TMEM185B: variants seen among roughly 807,000 people sequenced by gnomAD.
TMEM185B encodes transmembrane protein 185B.
In TMEM185B, 9 loss-of-function variants were observed where a neutral mutation model predicts 26.2. The ratio of observed to expected loss-of-function variants is 0.34; its 90% CI spans 0.21 to 0.60. TMEM185B has a LOEUF of 0.60. Ranked by LOEUF, TMEM185B falls within the 20% of genes least tolerant of loss-of-function variation. TMEM185B has a pLI of 0.80. For missense variants in TMEM185B, 392 were observed against 447.9 expected, an observed-to-expected ratio of 0.88 and a Z score of 1.13; for synonymous variants, 204 against 191.8, an observed-to-expected ratio of 1.06 and a Z score of -0.52.
At position 120,222,876 on chromosome 2, in the gene TMEM185B, C is replaced by T. The variant is rs777688251; in HGVS notation, c.101G>A (p.Gly34Asp). ...FSVLLPLRLDGIIQWSYWAVF... is the reference protein window; with the variant it reads ...FSVLLPLRLDDIIQWSYWAVF... ...GGCCCAGTAGCTCCATTGGATGATG[C>T]CGTCCAGGCGGAGGGGCAGCAGCAC... is the stretch of plus-strand genomic sequence containing the variant. Residue 34 changes from glycine (G) to aspartate (D), a missense_variant, in exon 1 of 1, where the codon GGC (glycine) becomes GAC (aspartate). Gly to Asp is a moderately conservative substitution (Grantham distance 94). Around this residue, in one of 3 missense-constraint regions of TMEM185B, gnomAD observed 175 missense variants for 169.1 expected, o/e 1.03. Transcript: ENST00000426077. 3.4e-6 allele frequency: 5 copies of T among 1,470,068 alleles called. No homozygotes were observed. Among genetic ancestry groups the T allele is most frequent in the South Asian group, 1.4e-5 (1 of 72,346 alleles). 91.1% of individuals were successfully genotyped at this position (1,470,068 alleles called of 1,614,324 possible). A position where few individuals can be genotyped will look rare whatever the true frequency, so the allele number is the denominator to read the frequency against.
In TMEM185B at chr2:120,222,207, A is replaced by G. The variant is rs753108850; in HGVS notation, c.770T>C (p.Leu257Ser). 702 of 1,540,090 alleles carry G rather than the reference A, an allele frequency of 4.6e-4. No individual in the cohort carries two copies. The highest frequency in any genetic ancestry group is 1.0e-3 in the Middle Eastern group (6 of 6,014). ...CTTTCGCCTAAATGTTGTGGCCATT[A>G]AAGTTAGTAAGGAAAGCCAAAGGGG... is the stretch of plus-strand genomic sequence containing the variant. ...FVPLWLSLLTLMATTFRRKGG... is the reference protein window; with the variant it reads ...FVPLWLSLLTSMATTFRRKGG... Residue 257 changes from leucine (L) to serine (S), a missense_variant, in exon 1 of 1, where the codon TTA becomes TCA. Coordinates refer to ENST00000426077, the MANE Select transcript of TMEM185B (RefSeq NM_024121.3).
chr2:120,221,871 C>A lies in TMEM185B; in HGVS notation c.*53G>T. The A allele has an allele frequency of 2.2e-6, 3 of 1,384,640 alleles. No homozygotes were observed. Among genetic ancestry groups the A allele is most frequent in the Non-Finnish European group, 2.9e-6 (3 of 1,048,520 alleles). The allele number at this position is 1,384,640 out of a possible 1,614,324, so 85.8% of individuals were successfully genotyped here. ...CATTTCCAGGTTTGGGATGAATGAA[C>A]AAGAGGCGAAGGCCAAGTGGAGTCT... is the stretch of plus-strand genomic sequence containing the variant. On this transcript the variant is annotated 3_prime_UTR_variant, in exon 1 of 1. Coordinates refer to ENST00000426077, the MANE Select transcript of TMEM185B (RefSeq NM_024121.3).
In TMEM185B at chr2:120,218,374, T is replaced by C. The variant is rs1191961197; in HGVS notation, c.*3550A>G. On this transcript the variant is annotated 3_prime_UTR_variant, in exon 1 of 1. Transcript: ENST00000426077. ...TGCTGCATCTCCAGCAAATGGTCCC[T>C]GTGGTGCAGCCCTGCCTGGGTTTCC... 1.3e-5 allele frequency among the ~76,000 whole-genome samples: 2 copies of C among 152,222 alleles called. No homozygotes were observed. Among genetic ancestry groups the C allele is most frequent in the Non-Finnish European group, 2.9e-5 (2 of 68,032 alleles).
At position 120,219,787 on chromosome 2, in the gene TMEM185B, C is replaced by A. The variant is rs1191753513; in HGVS notation, c.*2137G>T. 1.3e-5 allele frequency among the ~76,000 whole-genome samples: 2 copies of A among 152,254 alleles called. No individual in the cohort carries two copies. Among genetic ancestry groups the A allele is most frequent in the East Asian group, 3.8e-4 (2 of 5,206 alleles). ...TGCATTTTGCAAAAGCTGCACTGGGCTCTTTCCCTTTGTGGGTGCAGCTCA... is the reference window on the plus strand; with the variant it reads ...TGCATTTTGCAAAAGCTGCACTGGGATCTTTCCCTTTGTGGGTGCAGCTCA... On this transcript the variant is annotated 3_prime_UTR_variant, in exon 1 of 1. Coordinates refer to ENST00000426077, the MANE Select transcript of TMEM185B (RefSeq NM_024121.3).
Position 120,218,975 on chromosome 2 carries a change from G to A in TMEM185B, c.*2949C>T, listed in dbSNP as rs1162191406. ...GTTGTGGCCAACAGAAAGTGAGCAG[G>A]GGCTGTATTTGTGCTTGCAAGGTAG... On this transcript the variant is annotated 3_prime_UTR_variant, in exon 1 of 1. Coordinates refer to ENST00000426077, the MANE Select transcript of TMEM185B (RefSeq NM_024121.3). Among the ~76,000 whole-genome samples, 1 of 152,188 alleles carries A rather than the reference G, an allele frequency of 6.6e-6. No homozygotes were observed. Among genetic ancestry groups the A allele is most frequent in the Non-Finnish European group, 1.5e-5 (1 of 68,036 alleles).
At position 120,222,967 on chromosome 2, in the gene TMEM185B, T is replaced by C. The variant is rs1688617419; in HGVS notation, c.10A>G (p.Arg4Gly). The C allele has an allele frequency of 4.2e-6, 6 of 1,427,970 alleles. No individual in the cohort carries two copies. The South Asian group carries it at 6.1e-5, about 15-fold the overall frequency. The allele number at this position is 1,427,970 out of a possible 1,614,324, so 88.5% of individuals were successfully genotyped here. A position where few individuals can be genotyped will look rare whatever the true frequency, so the allele number is the denominator to read the frequency against. MNP[R>G]GLFQDFNPSK... ...GGGTTGAAGTCCTGGAACAGGCCCC[T>C]GGGGTTCATGGCGGAGGCCGCCGCT... The change falls in exon 1 of 1, where the codon AGG becomes GGG. Residue 4 changes from arginine to glycine, a missense_variant. Physicochemically the swap from Arg to Gly is moderately radical, Grantham distance 125 (BLOSUM62 -2). This residue lies in a region of TMEM185B where 175 missense variants were observed against 169.1 expected (regional missense o/e 1.03). Transcript: ENST00000426077.
In TMEM185B at chr2:120,222,154, G is replaced by C. The variant is rs781680405; in HGVS notation, c.823C>G (p.Arg275Gly). The change falls in exon 1 of 1, where the codon CGC becomes GGC. Residue 275 changes from arginine (R) to glycine (G), a missense_variant. Physicochemically the swap from Arg to Gly is moderately radical, Grantham distance 125. Coordinates refer to ENST00000426077, the MANE Select transcript of TMEM185B (RefSeq NM_024121.3). ...KGGNHWWFGI[R>G]RDFCQFLLEI... ...AGCAGAAACTGACAGAAGTCTCTGC[G>C]AATGCCAAACCACCAATGATTGCCC... The C allele has an allele frequency of 6.4e-7, 1 of 1,562,668 alleles. No homozygotes were observed. The highest frequency in any genetic ancestry group is 1.2e-5 in the South Asian group (1 of 85,736).
Position 120,222,719 on chromosome 2 carries a change from G to A in TMEM185B, c.258C>T (p.Ile86=), listed in dbSNP as rs893547074. 15 of 1,536,338 alleles carry A rather than the reference G, an allele frequency of 9.8e-6. No individual in the cohort carries two copies. In the African/African-American group the frequency reaches 1.5e-4, roughly 15 times the overall value. The part of the protein sequence containing the change: ...EACVEFKAML[I]AVGIHLLLLM... Reference sequence around the variant, plus strand: ...GCAGCAGCAGGTGGATGCCCACAGCGATCAGCATGGCTTTGAACTCCACAC... The same window carrying A: ...GCAGCAGCAGGTGGATGCCCACAGCAATCAGCATGGCTTTGAACTCCACAC... The change falls in exon 1 of 1, where the codon ATC becomes ATT. Residue 86 remains isoleucine (I), a synonymous_variant. Transcript: ENST00000426077.
rs952238348 is a variant in TMEM185B, at chr2:120,220,241, G to A, written c.*1683C>T. Reference sequence around the variant, plus strand: ...TTGCCTCATGGCCAGGGCAAAGTGTGTGGAGCCCATTTGAGATCATTTTTA... The same window carrying A: ...TTGCCTCATGGCCAGGGCAAAGTGTATGGAGCCCATTTGAGATCATTTTTA... On this transcript the variant is annotated 3_prime_UTR_variant, in exon 1 of 1. Transcript: ENST00000426077. Among the ~76,000 whole-genome samples the A allele has an allele frequency of 3.9e-5, 6 of 152,268 alleles. No individual in the cohort carries two copies. The highest frequency in any genetic ancestry group is 7.2e-5 in the African/African-American group (3 of 41,476).
rs73948746 is a variant in TMEM185B at position 120,220,112 on chromosome 2, G to A, written c.*1812C>T. Reference sequence around the variant, plus strand: ...TTCTGGCACTCAGGTTCCTAGAGCTGGCTTTTGTTGACAGCATGTGTACAG... The same window carrying A: ...TTCTGGCACTCAGGTTCCTAGAGCTAGCTTTTGTTGACAGCATGTGTACAG... On this transcript the variant is annotated 3_prime_UTR_variant, in exon 1 of 1. Transcript: ENST00000426077. 6.0e-3 allele frequency among the ~76,000 whole-genome samples: 917 copies of A among 152,314 alleles called. 9 individuals carry two copies. The highest frequency in any genetic ancestry group is 0.021 in the African/African-American group (881 of 41,570).
rs778916853 is a variant in TMEM185B at position 120,222,912 on chromosome 2, A to T, written c.65T>A (p.Leu22Gln). 2 of 1,454,788 alleles carry T rather than the reference A, an allele frequency of 1.4e-6. No homozygotes were observed. Among genetic ancestry groups the T allele is most frequent in the Admixed American group, 5.6e-5 (2 of 35,968 alleles). The allele number at this position is 1,454,788 out of a possible 1,614,324, so 90.1% of individuals were successfully genotyped here. Residue 22 changes from leucine (L) to glutamine (Q), a missense_variant, in exon 1 of 1, where the codon CTG (leucine) becomes CAG (glutamine). Leu to Gln is a moderately radical substitution (Grantham distance 113). Transcript: ENST00000426077. ...PSKFLIYTCL[L>Q]LFSVLLPLRL... is the part of the protein sequence containing the mutation. Reference sequence around the variant, plus strand: ...GAGGGGCAGCAGCACCGAGAAGAGCAGCAGGCAGGTGTAGATGAGAAACTT... The same window carrying T: ...GAGGGGCAGCAGCACCGAGAAGAGCTGCAGGCAGGTGTAGATGAGAAACTT...
At position 120,222,679 on chromosome 2, in the gene TMEM185B, G is replaced by A. The variant is rs917533070; in HGVS notation, c.298C>T (p.Leu100=). ...IHLLLLMFEV[L]VCDRVERGTH... is the part of the protein sequence containing the mutation. ...CCCCTCTCCACCCTGTCGCAGACCA[G>A]GACTTCGAACATGAGCAGCAGCAGG... is the stretch of plus-strand genomic sequence containing the variant. The change falls in exon 1 of 1, where the codon CTG becomes TTG. Residue 100 remains leucine (L), a synonymous_variant. Coordinates refer to ENST00000426077, the MANE Select transcript of TMEM185B (RefSeq NM_024121.3). 1 of 1,536,540 alleles carries A rather than the reference G, an allele frequency of 6.5e-7. No homozygotes were observed. The highest frequency in any genetic ancestry group is 8.7e-7 in the Non-Finnish European group (1 of 1,147,010).
rs568961441 is a variant in TMEM185B, at chr2:120,218,621, G to C, written c.*3303C>G. On this transcript the variant is annotated 3_prime_UTR_variant, in exon 1 of 1. Transcript: ENST00000426077. ...AAAGCGCCTTGCATAGCCCTCCGGA[G>C]AAACTTTGGATTCCAGCACTTTCCT... 1.3e-4 allele frequency among the ~76,000 whole-genome samples: 20 copies of C among 152,336 alleles called. 1 individual carries two copies. The highest frequency in any genetic ancestry group is 3.4e-3 in the Middle Eastern group (1 of 294).
rs781524980 is a variant in TMEM185B at position 120,220,568 on chromosome 2, T to TA, written c.*1355dup. ...CAACATGGAGAAACCCTGTCTCTAT[T>TA]AAAAATACGAAATTAGCCAGGCGTG... is the stretch of plus-strand genomic sequence containing the variant. On this transcript the variant is annotated 3_prime_UTR_variant, in exon 1 of 1. Transcript: ENST00000426077. Among the ~76,000 whole-genome samples the TA allele has an allele frequency of 6.6e-6, 1 of 152,048 alleles. No homozygotes were observed. Among genetic ancestry groups the TA allele is most frequent in the Non-Finnish European group, 1.5e-5 (1 of 68,014 alleles).
In TMEM185B at chr2:120,222,607, G is replaced by C; in HGVS notation, c.370C>G (p.Pro124Ala). 1 of 1,536,478 alleles carries C rather than the reference G, an allele frequency of 6.5e-7. No individual in the cohort carries two copies. The highest frequency in any genetic ancestry group is 1.4e-5 in the African/African-American group (1 of 73,186). The change falls in exon 1 of 1, where the codon CCC becomes GCC. Residue 124 changes from proline (P) to alanine (A), a missense_variant. Physicochemically the swap from Pro to Ala is conservative, Grantham distance 27. Transcript: ENST00000426077. ...CAGACGCAGGCAGCCACGGACACGG[G>C]GGACACGAAGAAGAGAGGCATGAAG... ...LVFMPLFFVS[P>A]VSVAACVWGF...
rs1396415124 is a variant in TMEM185B, at chr2:120,218,207, T to C, written c.*3717A>G. ...CTACAGAATGAACACATGCCTGAGG[T>C]TTGCCCAATCATATCCTCCCTCCTG... On this transcript the variant is annotated 3_prime_UTR_variant, in exon 1 of 1. Coordinates refer to ENST00000426077, the MANE Select transcript of TMEM185B (RefSeq NM_024121.3). Among the ~76,000 whole-genome samples, 3 of 152,110 alleles carry C rather than the reference T, an allele frequency of 2.0e-5. No individual in the cohort carries two copies. The highest frequency in any genetic ancestry group is 4.4e-5 in the Non-Finnish European group (3 of 68,000).
Position 120,222,865 on chromosome 2 carries a change from A to C in TMEM185B, c.112T>G (p.Trp38Gly). The change falls in exon 1 of 1, where the codon TGG (tryptophan) becomes GGG (glycine). Residue 38 changes from tryptophan (W) to glycine (G), a missense_variant. By Grantham distance (184) the Trp-to-Gly change is radical. Around this residue, in one of 3 missense-constraint regions of TMEM185B, gnomAD observed 175 missense variants for 169.1 expected, o/e 1.03. Transcript: ENST00000426077. ...LPLRLDGIIQ[W>G]SYWAVFAPIW... is the part of the protein sequence containing the mutation. The stretch of plus-strand genomic sequence containing the variant: ...GGGGCAAAGACGGCCCAGTAGCTCC[A>C]TTGGATGATGCCGTCCAGGCGGAGG... The C allele has an allele frequency of 6.7e-7, 1 of 1,481,836 alleles. No homozygotes were observed. The highest frequency in any genetic ancestry group is 8.9e-7 in the Non-Finnish European group (1 of 1,123,334). 91.8% of individuals were successfully genotyped at this position (1,481,836 alleles called of 1,614,324 possible).
rs993064946 is a variant in TMEM185B, at chr2:120,222,825, T to G, written c.152A>C (p.Lys51Thr). 2 of 1,522,128 alleles carry G rather than the reference T, an allele frequency of 1.3e-6. No homozygotes were observed. The highest frequency in any genetic ancestry group is 2.8e-5 in the African/African-American group (2 of 72,400). The allele number at this position is 1,522,128 out of a possible 1,614,324, so 94.3% of individuals were successfully genotyped here. The change falls in exon 1 of 1, where the codon AAG becomes ACG. Residue 51 changes from lysine (K) to threonine (T), a missense_variant. Lys to Thr is a moderately conservative substitution (Grantham distance 78). This residue lies in a region of TMEM185B where 175 missense variants were observed against 169.1 expected (regional missense o/e 1.03). Transcript: ENST00000426077. ...WAVFAPIWLW[K>T]LLVVAGASVG... ...GGAGGCGCCTGCGACGACTAGAAGC[T>G]TCCACAGCCATATGGGGGCAAAGAC... is the stretch of plus-strand genomic sequence containing the variant.
Position 120,222,931 on chromosome 2 carries a change from G to C in TMEM185B, c.46C>G (p.Leu16Val). 1 of 1,446,688 alleles carries C rather than the reference G, an allele frequency of 6.9e-7. No homozygotes were observed. The allele number at this position is 1,446,688 out of a possible 1,614,324, so 89.6% of individuals were successfully genotyped here. A position where few individuals can be genotyped will look rare whatever the true frequency, so the allele number is the denominator to read the frequency against. Residue 16 changes from leucine (L) to valine (V), a missense_variant, in exon 1 of 1, where the codon CTC becomes GTC. By Grantham distance (32) the Leu-to-Val change is conservative (BLOSUM62 1). Around this residue, in one of 3 missense-constraint regions of TMEM185B, gnomAD observed 175 missense variants for 169.1 expected, o/e 1.03. Transcript: ENST00000426077. ...AAGAGCAGCAGGCAGGTGTAGATGA[G>C]AAACTTACTGGGGTTGAAGTCCTGG... ...LFQDFNPSKFLIYTCLLLFSV... is the reference protein window; with the variant it reads ...LFQDFNPSKFVIYTCLLLFSV...
Sources: gnomAD v4.1 joint callset for allele counts (sites outside exome capture counted in the v4.1 genomes callset) on GRCh38, gnomAD v4.1.1 for gene constraint, gnomAD v4.1.1 regional missense constraint, MANE v1.5 for transcripts, NCBI Gene and HGNC (gene_info 2026-07-23, HGNC 2026-07-21) for gene names.